The following KHDRBS2 variants were observed in gnomAD, a reference collection of about 807,000 sequenced individuals.
The protein encoded by KHDRBS2 is KH domain-containing, RNA-binding, signal transduction-associated protein 2.
In KHDRBS2, 26 loss-of-function variants were observed where a neutral mutation model predicts 44.3. The observed-to-expected ratio is 0.59, with a 90% CI of 0.43 to 0.81. The LOEUF (loss-of-function observed/expected upper bound fraction) is 0.81. KHDRBS2 is among the 40% of genes least tolerant of loss of function. The pLI is 0.00. For synonymous variants in KHDRBS2, 194 were observed against 151.1 expected (o/e 1.28, Z -2.08); for missense variants, 476 against 433.1 (o/e 1.10, Z -0.88).
At chr6:61,598,837 C>CTTTTT in the KHDRBS2 span, among the ~76,000 whole-genome samples, 130 of 65,434 alleles carry the variant, frequency 2.0e-3, no homozygotes, top group Non-Finnish European at 2.7e-3. Context: ...TTTTTCTTTT[C>CTTTTT]TTTTTTTTTT....
rs112141293 is a variant in KHDRBS2 at position 62,017,075 on chromosome 6, G to GT, written c.336+30802dup. The stretch of plus-strand genomic sequence containing the variant: ...ATCTCACTTCCTCATCGCTGGTTTT[G>GT]TTTTATAAGGTATATCAAATGAACC... On this transcript the variant is annotated intron_variant, in intron 3 of 8. Transcript: ENST00000281156. Among the ~76,000 whole-genome samples the GT allele has an allele frequency of 2.0e-3, 299 of 152,016 alleles. 3 individuals are homozygous for GT. Among genetic ancestry groups the GT allele is most frequent in the African/African-American group, 6.8e-3 (281 of 41,484 alleles).
chr6:62,191,078 G>A (rs749541863), intron 1 of KHDRBS2, among the ~76,000 whole-genome samples: 5 of 152,046 alleles, frequency 3.3e-5, no homozygotes, highest in African/African-American at 1.2e-4. Context: ...GTTGGAGTAT[G>A]GTATCTGAAC....
At chr6:62,282,163 G>T (rs113374858) in intron 1 of KHDRBS2, among the ~76,000 whole-genome samples, 1 of 152,046 alleles carries the variant, frequency 6.6e-6, no homozygotes, top group East Asian at 1.9e-4. Flanking sequence ...ACTAAAAAAT[G>T]GTTCTTATTG....
chr6:62,240,391 T>G (rs571227064), intron 1 of KHDRBS2, among the ~76,000 whole-genome samples: 22 of 152,020 alleles, frequency 1.4e-4, no homozygotes, highest in Middle Eastern at 6.8e-3. Context: ...ATATCCTGGT[T>G]TCCTTTACTA....
the KHDRBS2 span, among the ~76,000 whole-genome samples, chr6:61,632,431 G>A: frequency 6.6e-6 from 1 of 152,072 alleles, no homozygotes; most frequent in African/African-American, 2.4e-5. Context: ...ATTAGAATGT[G>A]CACAGATCAT....
At chr6:62,228,807 A>G (rs1274503976) in intron 1 of KHDRBS2, among the ~76,000 whole-genome samples, 1 of 151,966 alleles carries the variant, frequency 6.6e-6, no homozygotes, top group Admixed American at 6.6e-5. Flanking sequence ...GTCATTCAGG[A>G]GCTGATTTGC....
chr6:61,569,208 C>T, the KHDRBS2 span, among the ~76,000 whole-genome samples: 7 of 152,152 alleles, frequency 4.6e-5, no homozygotes, highest in Non-Finnish European at 8.8e-5. Context: ...GAGAACCACC[C>T]TCCCGTTCCC....
At chr6:61,961,989 T>TAC (rs1442938522) in intron 4 of KHDRBS2, among the ~76,000 whole-genome samples, 20 of 151,788 alleles carry the variant, frequency 1.3e-4, no homozygotes, top group African/African-American at 2.9e-4. Context: ...TATATATATA[T>TAC]ACACATATAA....
intron 4 of KHDRBS2, among the ~76,000 whole-genome samples, chr6:61,961,071 T>A (rs1231196824): frequency 6.6e-6 from 1 of 152,120 alleles, no homozygotes; most frequent in African/African-American, 2.4e-5. Flanking sequence ...GAGACTTGTA[T>A]GGATAAAGAG....
At chr6:61,559,522 A>C in the KHDRBS2 span, among the ~76,000 whole-genome samples, 2 of 151,806 alleles carry the variant, frequency 1.3e-5, no homozygotes, top group African/African-American at 4.8e-5. Flanking sequence ...AAAGAAGGTA[A>C]TTTTCTCTGA....
At chr6:62,196,942 G>A (rs538823815) in intron 1 of KHDRBS2, among the ~76,000 whole-genome samples, 1 of 152,142 alleles carries the variant, frequency 6.6e-6, no homozygotes, top group African/African-American at 2.4e-5. Flanking sequence ...CTCTAGCCCA[G>A]GTCTAATAGG....
At chr6:62,061,242 T>C (rs2127326300) in intron 2 of KHDRBS2, among the ~76,000 whole-genome samples, 1 of 151,906 alleles carries the variant, frequency 6.6e-6, no homozygotes, top group African/African-American at 2.4e-5. Context: ...ATTTTGCTCG[T>C]TAGTTGATGC....
At position 61,719,952 on chromosome 6, in the gene KHDRBS2, C is replaced by T. The variant is rs1396261783; in HGVS notation, c.893+12730G>A. Among the ~76,000 whole-genome samples, 3 of 152,050 alleles carry T rather than the reference C, an allele frequency of 2.0e-5. No homozygotes were observed. The East Asian group carries it at 5.8e-4, about 29-fold the overall frequency. ...CCTCTTCCCACCCCACAACAGTCCCCAGAGTGTGATGTTCCCCTTCCTGTG... is the reference window on the plus strand; with the variant it reads ...CCTCTTCCCACCCCACAACAGTCCCTAGAGTGTGATGTTCCCCTTCCTGTG... On this transcript the variant is annotated intron_variant, in intron 7 of 8. Coordinates refer to ENST00000281156, the MANE Select transcript of KHDRBS2 (RefSeq NM_152688.4).
chr6:61,725,728 C>T lies in KHDRBS2; in HGVS notation c.893+6954G>A, dbSNP rs1283986454. 3.9e-5 allele frequency among the ~76,000 whole-genome samples: 6 copies of T among 152,162 alleles called. No homozygotes were observed. In the East Asian group the frequency reaches 7.7e-4, roughly 20 times the overall value. On this transcript the variant is annotated intron_variant, in intron 7 of 8. Coordinates refer to ENST00000281156, the MANE Select transcript of KHDRBS2 (RefSeq NM_152688.4). ...ATAAATTCCTGGACACCTATGCCTT[C>T]ATAAGACTAAGCTAGGAAGAAATTT...
chr6:61,630,898 CTT>C, the KHDRBS2 span, among the ~76,000 whole-genome samples: 1 of 152,200 alleles, frequency 6.6e-6, no homozygotes, highest in African/African-American at 2.4e-5. Flanking sequence ...CTATTTGTCT[CTT>C]TGTATTCTGT....
chr6:62,107,603 C>T (rs1803770740), intron 2 of KHDRBS2, among the ~76,000 whole-genome samples: 1 of 152,134 alleles, frequency 6.6e-6, no homozygotes. Context: ...CTTTAAACTT[C>T]ATATGGAACC....
chr6:62,201,108 T>G (rs894573567), intron 1 of KHDRBS2, among the ~76,000 whole-genome samples: 2 of 152,038 alleles, frequency 1.3e-5, no homozygotes, highest in East Asian at 1.9e-4. Flanking sequence ...CAGGGAGAGA[T>G]AGCATTAGGA....
the KHDRBS2 span, among the ~76,000 whole-genome samples, chr6:61,586,893 T>A: frequency 6.6e-6 from 1 of 152,204 alleles, no homozygotes. Flanking sequence ...CTTTTGAGGT[T>A]AATCTAATAT....
rs182898487 is a variant in KHDRBS2 at position 62,007,008 on chromosome 6, T to A, written c.337-28796A>T. On this transcript the variant is annotated intron_variant, in intron 3 of 8. Transcript: ENST00000281156. ...GCAATATTAACCAAAATAAAACTTGTACGTATGTGTGTGTGTACATACATC... is the reference window on the plus strand; with the variant it reads ...GCAATATTAACCAAAATAAAACTTGAACGTATGTGTGTGTGTACATACATC... Among the ~76,000 whole-genome samples, 260 of 152,176 alleles carry A rather than the reference T, an allele frequency of 1.7e-3. 9 individuals carry two copies. The South Asian group carries it at 0.048, about 28-fold the overall frequency.
Sources: allele counts gnomAD v4.1 joint callset (sites outside exome capture counted in the v4.1 genomes callset), GRCh38; gene constraint gnomAD v4.1.1; transcripts MANE v1.5; gene names NCBI Gene and HGNC (gene_info 2026-07-23, HGNC 2026-07-21).